The following RBFOX1 variants were observed in gnomAD, a reference collection of about 807,000 sequenced individuals.
RBFOX1 encodes the protein RNA binding protein fox-1 homolog 1.
RBFOX1 carries 8 observed loss-of-function variants against 57.7 expected under a neutral mutation model. The ratio of observed to expected loss-of-function variants is 0.14; its 90% CI spans 0.08 to 0.25. The LOEUF is 0.25. Among genes scored for constraint, RBFOX1 ranks in the 10% least tolerant of loss-of-function variants. The pLI is 1.00. For synonymous variants in RBFOX1, 326 were observed against 222.4 expected (o/e 1.47, Z -4.15); for missense variants, 611 against 548.5 (o/e 1.11, Z -1.14).
chr16:7,054,492 C>T (rs1404379196), intron 4 of RBFOX1, among the ~76,000 whole-genome samples: 2 of 143,082 alleles, frequency 1.4e-5, no homozygotes, highest in African/African-American at 5.0e-5. Flanking sequence ...CCGCCAGCCT[C>T]GGCCCCCCAA....
intron 3 of RBFOX1, among the ~76,000 whole-genome samples, chr16:5,834,803 T>C (rs1425325196): frequency 6.6e-6 from 1 of 151,476 alleles, no homozygotes; most frequent in East Asian, 1.9e-4. Context: ...GATAGATAGA[T>C]AGATAGATAG....
At chr16:5,277,784 C>T (rs2063177970) in intron 1 of RBFOX1, among the ~76,000 whole-genome samples, 3 of 152,196 alleles carry the variant, frequency 2.0e-5, no homozygotes, top group South Asian at 2.1e-4. Context: ...GTTCACCTGA[C>T]ATTATGACCT....
chr16:5,842,357 G>T lies in RBFOX1; in HGVS notation c.319-24946G>T, dbSNP rs1030725097. Among the ~76,000 whole-genome samples, 4 of 152,078 alleles carry T rather than the reference G, an allele frequency of 2.6e-5. 1 individual carries two copies. Among genetic ancestry groups the T allele is most frequent in the African/African-American group, 9.7e-5 (4 of 41,414 alleles). On this transcript the variant is annotated intron_variant, in intron 3 of 19. Transcript: ENST00000641259. ...CTGGCAGGAGGGTTTAGGGAATTTT[G>T]TTCTCTCTGTGGGAAATCACAAAGC...
intron 4 of RBFOX1, among the ~76,000 whole-genome samples, chr16:7,284,621 A>G (rs771639067): frequency 1.2e-4 from 18 of 152,014 alleles, no homozygotes; most frequent in Non-Finnish European, 1.9e-4. Context: ...ATAAGCCACC[A>G]CTCCTGGCCC....
intron 2 of RBFOX1, among the ~76,000 whole-genome samples, chr16:6,339,766 G>A (rs7205699): frequency 0.43 from 64,664 of 151,654 alleles, 14,578 homozygotes; most frequent in African/African-American, 0.56. Context: ...TGCCTCCCAG[G>A]TTCAAGCGAT....
chr16:6,068,976 G>C (rs1339754508), intron 1 of RBFOX1, among the ~76,000 whole-genome samples: 1 of 151,768 alleles, frequency 6.6e-6, no homozygotes, highest in Non-Finnish European at 1.5e-5. Flanking sequence ...TTGCTTTGTT[G>C]CCTGCTACAA....
At chr16:6,900,552 T>A (rs2068213230) in intron 3 of RBFOX1, among the ~76,000 whole-genome samples, 2 of 152,284 alleles carry the variant, frequency 1.3e-5, no homozygotes, top group South Asian at 4.1e-4. Context: ...GCTTCTCCCC[T>A]TACTCATTAT....
intron 3 of RBFOX1, among the ~76,000 whole-genome samples, chr16:5,818,061 C>T (rs776187614): frequency 6.6e-6 from 1 of 152,104 alleles, no homozygotes; most frequent in Non-Finnish European, 1.5e-5. Context: ...CAGTTTTAAG[C>T]AGGAGACAGG....
chr16:5,310,942 C>G (rs991195120), intron 1 of RBFOX1, among the ~76,000 whole-genome samples: 1 of 152,162 alleles, frequency 6.6e-6, no homozygotes, highest in Non-Finnish European at 1.5e-5. Context: ...GCACCTATCA[C>G]CTGAGTAGTG....
chr16:6,366,453 A>G (rs1169630355), intron 2 of RBFOX1, among the ~76,000 whole-genome samples: 1 of 152,154 alleles, frequency 6.6e-6, no homozygotes, highest in Non-Finnish European at 1.5e-5. Flanking sequence ...ATATGAGACA[A>G]TGTTGAACAA....
At chr16:5,620,091 T>G (rs1038294513) in intron 3 of RBFOX1, among the ~76,000 whole-genome samples, 31 of 152,042 alleles carry the variant, frequency 2.0e-4, no homozygotes, top group African/African-American at 7.2e-4. Context: ...TCGCTTACTT[T>G]CCTAGTTCAG....
intron 1 of RBFOX1, among the ~76,000 whole-genome samples, chr16:6,136,644 G>A (rs769603292): frequency 6.6e-6 from 1 of 151,894 alleles, no homozygotes; most frequent in African/African-American, 2.4e-5. Context: ...CCTTTATGGG[G>A]CCCACAAAGA....
chr16:6,708,980 C>CTT (rs139304220), intron 3 of RBFOX1, among the ~76,000 whole-genome samples: 12 of 150,128 alleles, frequency 8.0e-5, no homozygotes, highest in Admixed American at 4.0e-4. Flanking sequence ...GCAAGCTTTT[C>CTT]TTTTTTTTTT....
chr16:5,850,739 G>A (rs1430148311), intron 3 of RBFOX1, among the ~76,000 whole-genome samples: 1 of 152,202 alleles, frequency 6.6e-6, no homozygotes, highest in Admixed American at 6.5e-5. Flanking sequence ...TGACAGAGGT[G>A]AAAGAACCCA....
Position 7,672,683 on chromosome 16 carries a change from A to G in RBFOX1, c.931-4091A>G, listed in dbSNP as rs78584476. On this transcript the variant is annotated intron_variant, in intron 13 of 15. Transcript: ENST00000550418. ...GTTCAAGACGGGGCCAGCCAGGCCT[A>G]TGTATCAAAACCGCATCTCTACTAA... Among the ~76,000 whole-genome samples, 3 of 151,986 alleles carry G rather than the reference A, an allele frequency of 2.0e-5. No individual in the cohort carries two copies. The East Asian group carries it at 5.9e-4, about 30-fold the overall frequency.
At chr16:7,535,216 A>G (rs930555963) in intron 5 of RBFOX1, among the ~76,000 whole-genome samples, 6 of 152,154 alleles carry the variant, frequency 3.9e-5, no homozygotes, top group African/African-American at 1.4e-4. Context: ...TACTTTGCAA[A>G]CAGCCCTTAT....
chr16:6,918,464 TA>T (rs1346280323), intron 3 of RBFOX1, among the ~76,000 whole-genome samples: 2 of 152,132 alleles, frequency 1.3e-5, no homozygotes, highest in Non-Finnish European at 2.9e-5. Flanking sequence ...AAAACCATCT[TA>T]AATCCAATCA....
chr16:6,023,319 C>T (rs185665159), intron 1 of RBFOX1, among the ~76,000 whole-genome samples: 4 of 151,892 alleles, frequency 2.6e-5, no homozygotes, highest in Admixed American at 2.0e-4. Context: ...GAGCACAGGT[C>T]TTCTAGACAT....
chr16:5,877,346 C>T (rs1047413772), intron 4 of RBFOX1, among the ~76,000 whole-genome samples: 24 of 152,188 alleles, frequency 1.6e-4, no homozygotes, highest in Non-Finnish European at 3.2e-4. Context: ...TCTCAAGGAG[C>T]CTGTGATCTA....
Sources: gnomAD v4.1 joint callset for allele counts (sites outside exome capture counted in the v4.1 genomes callset) on GRCh38, gnomAD v4.1.1 for gene constraint, MANE v1.5 for transcripts, NCBI Gene and HGNC (gene_info 2026-07-23, HGNC 2026-07-21) for gene names.